Variants in LIPE observed in about 807,000 individuals in gnomAD.
LIPE encodes lipase E, hormone sensitive type.
A neutral mutation model predicts 88.5 loss-of-function variants in LIPE; 66 were observed. That is an observed-to-expected ratio of 0.75 (90% CI 0.61 to 0.91). LIPE has a LOEUF of 0.91. Among genes scored for constraint, LIPE ranks in the 40% least tolerant of loss-of-function variants. LIPE has a pLI of 0.00. For missense variants in LIPE, 1,346 were observed against 1,434.7 expected, an observed-to-expected ratio of 0.94 and a Z score of 1.00; for synonymous variants, 570 against 617.5, an observed-to-expected ratio of 0.92 and a Z score of 1.14.
rs2147683257 is a variant in LIPE, at chr19:42,426,872, G to A, written c.278C>T (p.Pro93Leu). Reference protein sequence around the residue: ...SQEEFLAPQKPAPQQSPYIQR... With the variant: ...SQEEFLAPQKLAPQQSPYIQR... Reference sequence around the variant, plus strand: ...GATGTAAGGTGATTGCTGTGGTGCGGGCTTCTGTGGGGCAAGAAATTCCTC... The same window carrying A: ...GATGTAAGGTGATTGCTGTGGTGCGAGCTTCTGTGGGGCAAGAAATTCCTC... The change falls in exon 1 of 10, where the codon CCC becomes CTC. Residue 93 changes from proline (P) to leucine (L), a missense_variant. Transcript: ENST00000244289. 3 of 1,614,188 alleles carry A rather than the reference G, an allele frequency of 1.9e-6. No homozygotes were observed. The highest frequency in any genetic ancestry group is 3.3e-4 in the Middle Eastern group (2 of 6,062).
At chr19:42,426,232 C>T (rs1382615038) in intron 1 of LIPE, 35 bp downstream of exon 1, 1 of 1,571,008 alleles carries the variant, frequency 6.4e-7, no homozygotes, top group Non-Finnish European at 8.7e-7. Flanking sequence ...ATGACTGTCC[C>T]TGAGAGGCTT....
At position 42,410,434 on chromosome 19, in the gene LIPE, C is replaced by T. The variant is rs757895823; in HGVS notation, c.1292G>A (p.Arg431His). Residue 431 changes from arginine (R) to histidine (H), a missense_variant, in exon 2 of 10, where the codon CGC becomes CAC. Arg to His is a conservative substitution (Grantham distance 29). Transcript: ENST00000244289. The surrounding 1 kb of genome is among the most constrained non-coding windows in gnomAD (Gnocchi z 6.1). ...QLRALVYYAQ[R>H]LLVTNRPGVL... Reference sequence around the variant, plus strand: ...CCCCGGCCGATTGGTAACCAGCAGGCGCTGGGCGTAGTAGACCAGAGCGCG... The same window carrying T: ...CCCCGGCCGATTGGTAACCAGCAGGTGCTGGGCGTAGTAGACCAGAGCGCG... 8.7e-6 allele frequency: 14 copies of T among 1,614,064 alleles called. No homozygotes were observed. The highest frequency in any genetic ancestry group is 5.0e-5 in the Admixed American group (3 of 60,006).
chr19:42,427,057 C>G lies in LIPE; in HGVS notation c.93G>C (p.Lys31Asn). 8.7e-6 allele frequency: 14 copies of G among 1,614,076 alleles called. No individual in the cohort carries two copies. The highest frequency in any genetic ancestry group is 1.2e-5 in the Non-Finnish European group (14 of 1,180,022). ...TCGATTCTGGCTGGGCTATGGGTGT[C>G]TTTTCTGGCCCAGGCTCTAGCGGGG... ...PITPLEPGPEKTPIAQPESKT... is the reference protein window; with the variant it reads ...PITPLEPGPENTPIAQPESKT... Residue 31 changes from lysine (K) to asparagine (N), a missense_variant, in exon 1 of 10, where the codon AAG (lysine) becomes AAC (asparagine). Lys to Asn is a moderately conservative substitution (Grantham distance 94). Transcript: ENST00000244289.
intron 1 of LIPE, among the ~76,000 whole-genome samples, chr19:42,419,124 C>G (rs1360317259): frequency 6.6e-6 from 1 of 151,956 alleles, no homozygotes; most frequent in African/African-American, 2.4e-5. Flanking sequence ...ACTAAAAATA[C>G]AAAATTAGCC....
At position 42,424,251 on chromosome 19, in the gene LIPE, C is replaced by T. The variant is rs1024038817; in HGVS notation, c.883+2016G>A. Reference sequence around the variant, plus strand: ...ACGCTCGGCGCCTGCGCACTAGCTTCAGGCCGCGGGCCGGCCCAAGAGCGG... The same window carrying T: ...ACGCTCGGCGCCTGCGCACTAGCTTTAGGCCGCGGGCCGGCCCAAGAGCGG... On this transcript the variant is annotated intron_variant, in intron 1 of 9. Transcript: ENST00000244289. 6.8e-6 allele frequency: 4 copies of T among 587,866 alleles called. No homozygotes were observed. The East Asian group carries it at 2.7e-4, about 39-fold the overall frequency. 36.4% of individuals were successfully genotyped at this position (587,866 alleles called of 1,614,324 possible).
rs2147548894 is a variant in LIPE at position 42,401,717 on chromosome 19, A to AGGCCCCC, written c.*94_*95insGGGGGCC. The AGGCCCCC allele has an allele frequency of 1.0e-3, 32 of 30,646 alleles. No individual in the cohort carries two copies. Among genetic ancestry groups the AGGCCCCC allele is most frequent in the East Asian group, 2.5e-3 (3 of 1,198 alleles). The allele number at this position is 30,646 out of a possible 1,614,324, so 1.9% of individuals were successfully genotyped here. ...CGGGCCCCCGCCCCGCCCCCTTGCCACCCCCGACTTAAGTAAGGCACAGCC... is the reference window on the plus strand; with the variant it reads ...CGGGCCCCCGCCCCGCCCCCTTGCCAGGCCCCCCCCCCGACTTAAGTAAGGCACAGCC... On this transcript the variant is annotated 3_prime_UTR_variant, in exon 10 of 10. Coordinates refer to ENST00000244289, the MANE Select transcript of LIPE (RefSeq NM_005357.4).
Position 42,407,070 on chromosome 19 carries a change from G to T in LIPE, c.2137+104C>A. 5.9e-6 allele frequency: 6 copies of T among 1,010,492 alleles called. No homozygotes were observed. The highest frequency in any genetic ancestry group is 7.0e-6 in the Non-Finnish European group (5 of 712,044). The allele number at this position is 1,010,492 out of a possible 1,614,324, so 62.6% of individuals were successfully genotyped here. A position where few individuals can be genotyped will look rare whatever the true frequency, so the allele number is the denominator to read the frequency against. On this transcript the variant is annotated intron_variant, in intron 6 of 9. Coordinates refer to ENST00000244289, the MANE Select transcript of LIPE (RefSeq NM_005357.4). The surrounding 1 kb of genome is among the most constrained non-coding windows in gnomAD (Gnocchi z 5.8). ...GGGTGAGCAGGAGCTGGGAGGTGTG[G>T]GGGGAGAGAAAGGTAGAGGGTGTGA... is the stretch of plus-strand genomic sequence containing the variant.
chr19:42,412,095 G>A (rs568651816), intron 1 of LIPE, among the ~76,000 whole-genome samples: 2 of 152,292 alleles, frequency 1.3e-5, no homozygotes, highest in African/African-American at 4.8e-5. Flanking sequence ...ACTTGCCCTG[G>A]ACTACGTCTG....
At chr19:42,405,884 T>A in intron 7 of LIPE, 1 of 546,596 alleles carries the variant, frequency 1.8e-6, no homozygotes, top group Non-Finnish European at 3.3e-6. Context: ...TGCTTCAGCC[T>A]GGGAGGTCAA....
At position 42,402,911 on chromosome 19, in the gene LIPE, G is replaced by A. The variant is rs758597519; in HGVS notation, c.2663C>T (p.Ser888Leu). The A allele has an allele frequency of 5.0e-6, 8 of 1,612,260 alleles. No individual in the cohort carries two copies. The Admixed American group carries it at 1.2e-4, about 24-fold the overall frequency. The change falls in exon 9 of 10, where the codon TCG becomes TTG. Residue 888 changes from serine (S) to leucine (L), a missense_variant. By Grantham distance (145) the Ser-to-Leu change is moderately radical (BLOSUM62 -2). Coordinates refer to ENST00000244289, the MANE Select transcript of LIPE (RefSeq NM_005357.4). Reference protein sequence around the residue: ...DLSLRGNSETSSDTPEMSLSA... With the variant: ...DLSLRGNSETLSDTPEMSLSA... Reference sequence around the variant, plus strand: ...CAGCGACATCTCGGGGGTGTCCGACGACGTCTCGGAGTTTCCCCTCAGGCT... The same window carrying A: ...CAGCGACATCTCGGGGGTGTCCGACAACGTCTCGGAGTTTCCCCTCAGGCT...
rs139430310 is a variant in LIPE, at chr19:42,410,377, G to A, written c.1349C>T (p.Thr450Ile). ...GACATACTCCCGGAGGAAGTCGGCG[G>A]TGAGCCCCTCGTCGCCCTCAAAGAA... The part of the protein sequence containing the change: ...VLFFEGDEGL[T>I]ADFLREYVTL... Residue 450 changes from threonine to isoleucine, a missense_variant, in exon 2 of 10, where the codon ACC becomes ATC. Thr to Ile is a moderately conservative substitution (Grantham distance 89). Coordinates refer to ENST00000244289, the MANE Select transcript of LIPE (RefSeq NM_005357.4). This position sits in a 1 kb window ranked among gnomAD's most constrained non-coding sequence, Gnocchi z 6.1. The A allele has an allele frequency of 1.9e-6, 3 of 1,613,886 alleles. No individual in the cohort carries two copies. The highest frequency in any genetic ancestry group is 2.5e-6 in the Non-Finnish European group (3 of 1,179,926).
intron 1 of LIPE, chr19:42,423,750 C>G (rs1467913350): frequency 2.7e-6 from 3 of 1,122,470 alleles, no homozygotes; most frequent in Admixed American, 9.8e-5. Flanking sequence ...CGCCCCCTAC[C>G]GCGCATTAAA....
intron 1 of LIPE, chr19:42,412,564 C>A (rs559968735): frequency 1.0e-6 from 1 of 986,664 alleles, no homozygotes; most frequent in East Asian, 1.1e-4. Flanking sequence ...TGCTCTGCCC[C>A]CCACCTGCTC....
chr19:42,426,311 T>G lies in LIPE; in HGVS notation c.839A>C (p.His280Pro). 6.2e-7 allele frequency: 1 copy of G among 1,607,566 alleles called. No individual in the cohort carries two copies. Among genetic ancestry groups the G allele is most frequent in the Non-Finnish European group, 8.5e-7 (1 of 1,174,436 alleles). ...VMSGYSGTSPHEKTSARNHRH... is the reference protein window; with the variant it reads ...VMSGYSGTSPPEKTSARNHRH... ...GTGATTCCGAGCACTGGTTTTCTCA[T>G]GTGGCGACGTCCCACTGTATCCTGA... is the stretch of plus-strand genomic sequence containing the variant. The change falls in exon 1 of 10, where the codon CAT (histidine) becomes CCT (proline). Residue 280 changes from histidine (H) to proline (P), a missense_variant. His to Pro is a moderately conservative substitution (Grantham distance 77). Coordinates refer to ENST00000244289, the MANE Select transcript of LIPE (RefSeq NM_005357.4).
intron 1 of LIPE, chr19:42,424,344 G>A (rs762508971): frequency 6.6e-6 from 3 of 457,110 alleles, no homozygotes; most frequent in South Asian, 4.6e-5. Context: ...TTGCTCACAC[G>A]CACACAGCCA....
chr19:42,407,722 C>G lies in LIPE; in HGVS notation c.1726G>C (p.Glu576Gln), dbSNP rs1457890696. Residue 576 changes from glutamate (E) to glutamine (Q), a missense_variant, in exon 5 of 10, where the codon GAG becomes CAG. Coordinates refer to ENST00000244289, the MANE Select transcript of LIPE (RefSeq NM_005357.4). This position sits in a 1 kb window ranked among gnomAD's most constrained non-coding sequence, Gnocchi z 5.8. ...RLLSLPPEAF[E>Q]MPLTADPTLT... ...GTGGGGTCGGCAGTCAGTGGCATCTCAAAGGCTTCGGGTGGCAGGCTGAGC... is the reference window on the plus strand; with the variant it reads ...GTGGGGTCGGCAGTCAGTGGCATCTGAAAGGCTTCGGGTGGCAGGCTGAGC... 5 of 1,576,222 alleles carry G rather than the reference C, an allele frequency of 3.2e-6. No homozygotes were observed. The Admixed American group carries it at 9.2e-5, about 29-fold the overall frequency.
Position 42,427,251 on chromosome 19 carries a change from G to T in LIPE, c.-102C>A. On this transcript the variant is annotated 5_prime_UTR_variant, in exon 1 of 10. Transcript: ENST00000244289. Reference sequence around the variant, plus strand: ...AGATCTCTCATTGATTCCTCATGATGGCACTTCCTCTTGGGTTTCACTCCA... The same window carrying T: ...AGATCTCTCATTGATTCCTCATGATTGCACTTCCTCTTGGGTTTCACTCCA... 1 of 1,449,860 alleles carries T rather than the reference G, an allele frequency of 6.9e-7. No homozygotes were observed. The highest frequency in any genetic ancestry group is 2.8e-5 in the Admixed American group (1 of 35,646). 89.8% of individuals were successfully genotyped at this position (1,449,860 alleles called of 1,614,324 possible). A position where few individuals can be genotyped will look rare whatever the true frequency, so the allele number is the denominator to read the frequency against.
At chr19:42,409,161 C>G (rs1279355989) in intron 2 of LIPE, among the ~76,000 whole-genome samples, 1 of 151,940 alleles carries the variant, frequency 6.6e-6, no homozygotes, top group South Asian at 2.1e-4. Flanking sequence ...GGCAGAAAGA[C>G]AGTCAGAGAG....
chr19:42,402,554 G>C, intron 9 of LIPE, 53 bp downstream of exon 9: 1 of 1,395,508 alleles, frequency 7.2e-7, no homozygotes. Flanking sequence ...CCTCCTCCCC[G>C]GGTGCCCTGC....
Sources: gnomAD v4.1 joint callset for allele counts (sites outside exome capture counted in the v4.1 genomes callset) on GRCh38, gnomAD v4.1.1 for gene constraint, Gnocchi (gnomAD v3.1) non-coding constraint, MANE v1.5 for transcripts, NCBI Gene and HGNC (gene_info 2026-07-23, HGNC 2026-07-21) for gene names.